The following UPK3A variants were observed in gnomAD, a reference collection of about 807,000 sequenced individuals.
The protein encoded by UPK3A is uroplakin 3A.
Under a neutral mutation model 27.6 loss-of-function variants are expected in UPK3A, and 32 were observed. That is an observed-to-expected ratio of 1.16 (90% CI 0.87 to 1.55). UPK3A has a LOEUF of 1.55. Among genes scored for constraint, UPK3A ranks in the 40% most tolerant of loss-of-function variants. The probability of loss-of-function intolerance (pLI) is 0.00; values close to 1 mark genes in which losing one functional copy is unlikely to be tolerated. For missense variants in UPK3A, 370 were observed against 367.9 expected (o/e 1.01, Z -0.05); for synonymous variants, 171 against 163.9 (o/e 1.04, Z -0.33).
intron 2 of UPK3A, among the ~76,000 whole-genome samples, chr22:45,286,690 T>C (rs957970731): frequency 6.6e-6 from 1 of 152,180 alleles, no homozygotes; most frequent in South Asian, 2.1e-4. Flanking sequence ...ATGTGTTTAT[T>C]GACTATAAAC....
rs780518801 is a variant in UPK3A at position 45,287,219 on chromosome 22, G to C, written c.256G>C (p.Gly86Arg). The change falls in exon 3 of 6, where the codon GGC (glycine) becomes CGC (arginine). Residue 86 changes from glycine (G) to arginine (R), a missense_variant. By Grantham distance (125) the Gly-to-Arg change is moderately radical. Transcript: ENST00000216211. ...SVQDSTNTPL[G>R]STFLQTEGGR... ...GCAAGACAGCACCAACACCCCACTG[G>C]GCTCAACGTTCCTACAAACAGAGGG... 6.8e-6 allele frequency: 11 copies of C among 1,614,064 alleles called. No homozygotes were observed. Among genetic ancestry groups the C allele is most frequent in the Admixed American group, 3.3e-5 (2 of 59,996 alleles).
At chr22:45,293,714 T>A (rs2084177288) in intron 5 of UPK3A, among the ~76,000 whole-genome samples, 1 of 152,216 alleles carries the variant, frequency 6.6e-6, no homozygotes, top group African/African-American at 2.4e-5. Flanking sequence ...GAATAATCTC[T>A]ATAGAGTCTC....
At chr22:45,288,142 G>A (rs1213976977) in intron 3 of UPK3A, among the ~76,000 whole-genome samples, 1 of 152,100 alleles carries the variant, frequency 6.6e-6, no homozygotes, top group Non-Finnish European at 1.5e-5. Context: ...TGGAAAGCTG[G>A]GGCCCAGCAT....
rs2084174046 is a variant in UPK3A at position 45,293,256 on chromosome 22, G to A, written c.647G>A (p.Gly216Asp). The A allele has an allele frequency of 3.1e-6, 5 of 1,613,994 alleles. No individual in the cohort carries two copies. The highest frequency in any genetic ancestry group is 4.2e-6 in the Non-Finnish European group (5 of 1,180,042). ...GGMIVITSIL[G>D]SLPFFLLVGF... ...ATGATCGTCATCACTTCCATCCTGG[G>A]CTCCCTGCCCTTCTTTCTACTTGTG... Residue 216 changes from glycine (G) to aspartate (D), a missense_variant, in exon 5 of 6, where the codon GGC (glycine) becomes GAC (aspartate). Transcript: ENST00000216211.
Position 45,295,821 on chromosome 22 carries a change from G to A in UPK3A, c.*102G>A, listed in dbSNP as rs2084191753. 2.8e-6 allele frequency: 4 copies of A among 1,423,020 alleles called. No homozygotes were observed. The South Asian group carries it at 4.7e-5, about 17-fold the overall frequency. The allele number at this position is 1,423,020 out of a possible 1,614,324, so 88.1% of individuals were successfully genotyped here. Reference sequence around the variant, plus strand: ...CTGACTTCAGGGAAGGTGAAACAGGGCTTGTCCCTCCAACTGCAGGAAAAC... The same window carrying A: ...CTGACTTCAGGGAAGGTGAAACAGGACTTGTCCCTCCAACTGCAGGAAAAC... On this transcript the variant is annotated 3_prime_UTR_variant, in exon 6 of 6. Coordinates refer to ENST00000216211, the MANE Select transcript of UPK3A (RefSeq NM_006953.4).
At chr22:45,295,038 T>C (rs1237920205) in intron 5 of UPK3A, among the ~76,000 whole-genome samples, 2 of 152,092 alleles carry the variant, frequency 1.3e-5, no homozygotes, top group Non-Finnish European at 2.9e-5. Flanking sequence ...GCTAATTTTT[T>C]TGTATTTTTA....
chr22:45,291,587 GGT>G (rs1291922254), intron 4 of UPK3A, among the ~76,000 whole-genome samples: 3 of 148,600 alleles, frequency 2.0e-5, no homozygotes, highest in Non-Finnish European at 4.5e-5. Flanking sequence ...AGTTTGAGTT[GGT>G]GTGTGGTGTC....
chr22:45,289,595 A>G (rs1448839967), intron 4 of UPK3A, among the ~76,000 whole-genome samples: 2 of 147,322 alleles, frequency 1.4e-5, no homozygotes, highest in Non-Finnish European at 3.0e-5. Context: ...AAAAAAAAAG[A>G]AAAAAAAAAT....
chr22:45,286,669 C>T (rs1376982865), intron 2 of UPK3A, among the ~76,000 whole-genome samples: 1 of 152,154 alleles, frequency 6.6e-6, no homozygotes. Flanking sequence ...CCATCCTTTT[C>T]TTCTTTCAGC....
chr22:45,285,729 C>T (rs2084113020), intron 1 of UPK3A, among the ~76,000 whole-genome samples: 3 of 152,104 alleles, frequency 2.0e-5, no homozygotes, highest in African/African-American at 7.2e-5. Flanking sequence ...TGAGTGTCTG[C>T]AGCAGGGAGA....
In UPK3A at chr22:45,287,426, C is replaced by T. The variant is rs377117898; in HGVS notation, c.463C>T (p.Pro155Ser). 1.2e-4 allele frequency: 199 copies of T among 1,602,536 alleles called. No homozygotes were observed. Among genetic ancestry groups the T allele is most frequent in the Non-Finnish European group, 1.6e-4 (189 of 1,174,236 alleles). ...DPNFQGLCNA[P>S]LSAATEYRFK... ...CAACTTCCAGGGCCTCTGTAACGCA[C>T]CCCTGTCGGCAGCCACGGAGTACAG... Residue 155 changes from proline (P) to serine (S), a missense_variant, in exon 3 of 6, where the codon CCC becomes TCC. Physicochemically the swap from Pro to Ser is moderately conservative, Grantham distance 74. Transcript: ENST00000216211.
In UPK3A at chr22:45,295,579, G is replaced by A. The variant is rs769934738; in HGVS notation, c.724G>A (p.Gly242Arg). ...LSLVDMGSSD[G>R]ETTHDSQITQ... Reference sequence around the variant, plus strand: ...GGACAGGGACATGGGGAGTTCTGATGGGGAAACGACTCACGACTCCCAAAT... The same window carrying A: ...GGACAGGGACATGGGGAGTTCTGATAGGGAAACGACTCACGACTCCCAAAT... The change falls in exon 6 of 6, where the codon GGG becomes AGG. Residue 242 changes from glycine (G) to arginine (R), a missense_variant. Gly to Arg is a moderately radical substitution (Grantham distance 125, BLOSUM62 -2). Transcript: ENST00000216211. The A allele has an allele frequency of 1.7e-5, 28 of 1,613,952 alleles. No individual in the cohort carries two copies. In the East Asian group the frequency reaches 5.8e-4, roughly 33 times the overall value.
chr22:45,290,033 G>A (rs2084149258), intron 4 of UPK3A, among the ~76,000 whole-genome samples: 1 of 152,134 alleles, frequency 6.6e-6, no homozygotes, highest in Non-Finnish European at 1.5e-5. Flanking sequence ...ATGTTTCCAA[G>A]GCCTAAAACC....
intron 3 of UPK3A, among the ~76,000 whole-genome samples, chr22:45,287,690 G>T (rs1039195671): frequency 3.9e-4 from 59 of 151,894 alleles, no homozygotes; most frequent in African/African-American, 1.3e-3. Context: ...TTGAGACGGG[G>T]TCTCCACCAT....
Position 45,285,000 on chromosome 22 carries a change from G to C in UPK3A, c.-14G>C. On this transcript the variant is annotated 5_prime_UTR_variant, in exon 1 of 6. Transcript: ENST00000216211. ...GGACCGCCCGCCCCGCGCTCTGGCG[G>C]CTCCTCCCGGGCGATGCCTCCGCTC... 2 of 1,529,962 alleles carry C rather than the reference G, an allele frequency of 1.3e-6. No homozygotes were observed. The highest frequency in any genetic ancestry group is 1.7e-6 in the Non-Finnish European group (2 of 1,144,848). 94.8% of individuals were successfully genotyped at this position (1,529,962 alleles called of 1,614,324 possible).
chr22:45,287,817 C>T (rs182447424), intron 3 of UPK3A, among the ~76,000 whole-genome samples: 78 of 152,004 alleles, frequency 5.1e-4, no homozygotes, highest in Admixed American at 5.1e-3. Flanking sequence ...TGCACACCAC[C>T]ATGCCCGGCT....
chr22:45,286,009 G>C lies in UPK3A; in HGVS notation c.121G>C (p.Ala41Pro). 6.2e-7 allele frequency: 1 copy of C among 1,614,146 alleles called. No homozygotes were observed. Among genetic ancestry groups the C allele is most frequent in the Non-Finnish European group, 8.5e-7 (1 of 1,180,006 alleles). ...CAACAACCCCACACTTACCACTGTG[G>C]CCTTGGAAAAGCCTCTCTGCATGTT... ...ATNNPTLTTV[A>P]LEKPLCMFDS... is the part of the protein sequence containing the mutation. Residue 41 changes from alanine (A) to proline (P), a missense_variant, in exon 2 of 6, where the codon GCC becomes CCC. Physicochemically the swap from Ala to Pro is conservative, Grantham distance 27 (BLOSUM62 -1). Coordinates refer to ENST00000216211, the MANE Select transcript of UPK3A (RefSeq NM_006953.4).
At chr22:45,290,070 C>T (rs1277524119) in intron 4 of UPK3A, among the ~76,000 whole-genome samples, 3 of 152,234 alleles carry the variant, frequency 2.0e-5, no homozygotes, top group Non-Finnish European at 4.4e-5. Flanking sequence ...CAAGGAACCG[C>T]TCTCCTTCCC....
At chr22:45,290,606 T>C (rs1478250612) in intron 4 of UPK3A, among the ~76,000 whole-genome samples, 1 of 150,976 alleles carries the variant, frequency 6.6e-6, no homozygotes, top group African/African-American at 2.4e-5. Flanking sequence ...ATGTGAGGAG[T>C]GTGGTGTGGA....
Sources: gnomAD v4.1 joint callset for allele counts (sites outside exome capture counted in the v4.1 genomes callset) on GRCh38, gnomAD v4.1.1 for gene constraint, MANE v1.5 for transcripts, NCBI Gene and HGNC (gene_info 2026-07-23, HGNC 2026-07-21) for gene names.